The following ENOX2 variants were observed in gnomAD, a reference collection of about 807,000 sequenced individuals.
The protein encoded by ENOX2 is APK1 antigen.
ENOX2 carries 36 observed loss-of-function variants against 45.0 expected under a neutral mutation model. The ratio of observed to expected loss-of-function variants is 0.80; its 90% CI spans 0.61 to 1.06. The LOEUF (loss-of-function observed/expected upper bound fraction) is 1.06, where lower values mean the gene tolerates loss of function less well. Ranked by LOEUF, ENOX2 falls within the 50% of genes least tolerant of loss-of-function variation. The pLI is 0.00. For synonymous variants in ENOX2, 174 were observed against 152.3 expected (o/e 1.14, Z -1.05); for missense variants, 423 against 462.5 (o/e 0.91, Z 0.78).
intron 3 of ENOX2, among the ~76,000 whole-genome samples, chrX:130,712,458 G>A (rs768915929): frequency 8.9e-6 from 1 of 111,776 alleles, no homozygotes; most frequent in African/African-American, 3.2e-5. Flanking sequence ...TGGGCAAGTG[G>A]GCTCAGGCAT....
chrX:130,631,571 G>A lies in ENOX2; in HGVS notation c.1425C>T (p.Ser475=), dbSNP rs767260233. Residue 475 remains serine, a synonymous_variant, in exon 13 of 15, where the codon AGC becomes AGT. Transcript: ENST00000394363. ...KMLENLKEKE[S]CASRLCASNQ... is the part of the protein sequence containing the mutation. ...TTGAGGCACACAGCCTAGAAGCACA[G>A]CTTTCCTGTGGACACAACATGCTTC... 2 of 1,157,686 alleles carry A rather than the reference G, an allele frequency of 1.7e-6. No homozygotes were observed. Among genetic ancestry groups the A allele is most frequent in the Non-Finnish European group, 2.4e-6 (2 of 847,873 alleles).
At chrX:130,896,007 G>T (rs769996425) in intron 2 of ENOX2, among the ~76,000 whole-genome samples, 3 of 112,350 alleles carry the variant, frequency 2.7e-5, no homozygotes, top group Non-Finnish European at 5.6e-5. Flanking sequence ...CTAAACTGAG[G>T]TGTATGCTGA....
At chrX:130,869,271 C>T (rs183268674) in intron 2 of ENOX2, among the ~76,000 whole-genome samples, 71 of 111,152 alleles carry the variant, frequency 6.4e-4, no homozygotes, top group African/African-American at 1.0e-3. Flanking sequence ...TTATCTTTCA[C>T]GAGGCAAACA....
intron 2 of ENOX2, among the ~76,000 whole-genome samples, chrX:130,831,783 T>G (rs753014156): frequency 8.9e-6 from 1 of 111,748 alleles, no homozygotes; most frequent in African/African-American, 3.2e-5. Flanking sequence ...TAAAGCTCAA[T>G]GAGGGCAGCG....
intron 3 of ENOX2, among the ~76,000 whole-genome samples, chrX:130,713,876 A>C: frequency 8.9e-6 from 1 of 111,753 alleles, no homozygotes; most frequent in Non-Finnish European, 1.9e-5. Flanking sequence ...ACTGGTGTTC[A>C]ACTAGAAATC....
chrX:130,844,043 A>G (rs1178072469), intron 2 of ENOX2, among the ~76,000 whole-genome samples: 2 of 111,818 alleles, frequency 1.8e-5, no homozygotes, highest in Non-Finnish European at 3.8e-5. Context: ...CAGAATTTTG[A>G]CCCAGTACTG....
chrX:130,785,252 T>A (rs2076951556), intron 2 of ENOX2, among the ~76,000 whole-genome samples: 1 of 101,479 alleles, frequency 9.9e-6, no homozygotes, highest in Non-Finnish European at 2.0e-5. Flanking sequence ...TTGCACCCGG[T>A]AGGCAGAGGT....
At chrX:130,715,604 T>C (rs1382623363) in intron 3 of ENOX2, among the ~76,000 whole-genome samples, 14 of 110,087 alleles carry the variant, frequency 1.3e-4, no homozygotes, top group Non-Finnish European at 2.3e-4. Flanking sequence ...CACATTCCCA[T>C]CAACCACTAG....
chrX:130,628,840 T>C (rs973359209), intron 13 of ENOX2, among the ~76,000 whole-genome samples: 2 of 112,141 alleles, frequency 1.8e-5, no homozygotes, highest in Admixed American at 9.5e-5. Context: ...TTAATACTTC[T>C]TTCTCTGGGA....
intron 2 of ENOX2, among the ~76,000 whole-genome samples, chrX:130,866,614 T>C (rs945709098): frequency 9.2e-6 from 1 of 109,126 alleles, no homozygotes; most frequent in African/African-American, 3.5e-5. Flanking sequence ...GCAAGCATCC[T>C]GTTCACTTTT....
chrX:130,737,264 GCAC>G (rs963337205), intron 3 of ENOX2, among the ~76,000 whole-genome samples: 3 of 112,197 alleles, frequency 2.7e-5, no homozygotes, highest in African/African-American at 9.7e-5. Flanking sequence ...GTCACAAAGA[GCAC>G]CACGATACCC....
At position 130,623,294 on chromosome X, in the gene ENOX2, G is replaced by T. The variant is rs1028072008; in HGVS notation, c.*2020C>A. On this transcript the variant is annotated 3_prime_UTR_variant, in exon 15 of 15. Coordinates refer to ENST00000394363, the MANE Select transcript of ENOX2 (RefSeq NM_006375.4). The stretch of plus-strand genomic sequence containing the variant: ...AAGTTGATTAAGTGAAGGAGAGTAA[G>T]GTATTTAGGTGTGGCAGCTGTTGCT... 8.1e-5 allele frequency: 9 copies of T among 111,251 alleles called. No individual in the cohort carries two copies. The highest frequency in any genetic ancestry group is 2.6e-4 in the African/African-American group (8 of 30,576). 9.2% of individuals were successfully genotyped at this position (111,251 alleles called of 1,213,427 possible). A position where few individuals can be genotyped will look rare whatever the true frequency, so the allele number is the denominator to read the frequency against.
chrX:130,869,227 C>G (rs1266756046), intron 2 of ENOX2, among the ~76,000 whole-genome samples: 1 of 110,962 alleles, frequency 9.0e-6, no homozygotes, highest in African/African-American at 3.3e-5. Flanking sequence ...CTCCATTTTT[C>G]ACAAATCCTT....
intron 3 of ENOX2, among the ~76,000 whole-genome samples, chrX:130,763,012 A>G (rs1195726857): frequency 1.8e-5 from 2 of 111,890 alleles, no homozygotes; most frequent in Non-Finnish European, 3.8e-5. Context: ...ACTTTGGTCC[A>G]TATGCATTTA....
chrX:130,688,923 T>TG lies in ENOX2; in HGVS notation c.192_193insC (p.Met65HisfsTer11). On this transcript the variant is annotated frameshift_variant, in exon 5 of 15. Coordinates refer to ENST00000394363, the MANE Select transcript of ENOX2 (RefSeq NM_006375.4). LOFTEE classifies it high-confidence loss of function. Reference sequence around the variant, plus strand: ...TGTATGATCTCTTTTACTACTGGCATATCTGGAGGAATTGGTGGAGGTACT... The same window carrying TG: ...TGTATGATCTCTTTTACTACTGGCATGATCTGGAGGAATTGGTGGAGGTACT... 2 of 1,195,802 alleles carry TG rather than the reference T, an allele frequency of 1.7e-6. No homozygotes were observed. Among genetic ancestry groups the TG allele is most frequent in the Non-Finnish European group, 2.3e-6 (2 of 881,177 alleles).
At chrX:130,821,047 C>T (rs975584927) in intron 2 of ENOX2, among the ~76,000 whole-genome samples, 2 of 112,095 alleles carry the variant, frequency 1.8e-5, no homozygotes, top group Non-Finnish European at 3.8e-5. Context: ...TATTTCAAAA[C>T]ATCATGTCAT....
intron 3 of ENOX2, among the ~76,000 whole-genome samples, chrX:130,718,596 T>C (rs999731889): frequency 4.4e-5 from 5 of 112,562 alleles, no homozygotes; most frequent in Non-Finnish European, 3.7e-5. Context: ...GCTGTTCTGC[T>C]GCTGTTGATG....
At chrX:130,646,116 C>T in intron 10 of ENOX2, 1 of 527,612 alleles carries the variant, frequency 1.9e-6, no homozygotes, top group Admixed American at 2.4e-5. Flanking sequence ...TCTCCTGCTG[C>T]CTGCAGCCCA....
intron 2 of ENOX2, among the ~76,000 whole-genome samples, chrX:130,854,937 C>CA (rs770091723): frequency 1.8e-5 from 2 of 111,036 alleles, no homozygotes; most frequent in Non-Finnish European, 1.9e-5. Context: ...AAAGCATCTA[C>CA]AAAAAAAATC....
Sources: allele counts gnomAD v4.1 joint callset (sites outside exome capture counted in the v4.1 genomes callset), GRCh38; gene constraint gnomAD v4.1.1; transcripts MANE v1.5; gene names NCBI Gene and HGNC (gene_info 2026-07-23, HGNC 2026-07-21).